The following SLC25A26 variants were observed in gnomAD, a reference collection of about 807,000 sequenced individuals.
SLC25A26 encodes the protein mitochondrial S-adenosylmethionine carrier protein.
SLC25A26 carries 36 observed loss-of-function variants against 37.8 expected under a neutral mutation model. The observed-to-expected ratio is 0.95, with a 90% CI of 0.73 to 1.26. The LOEUF is 1.26. Among genes scored for constraint, SLC25A26 ranks in the 50% most tolerant of loss-of-function variants. The pLI is 0.00. For missense variants in SLC25A26, 390 were observed against 331.1 expected (o/e 1.18, Z -1.38); for synonymous variants, 129 against 122.5 (o/e 1.05, Z -0.35).
chr3:66,273,498 A>C (rs534140309), intron 5 of SLC25A26, among the ~76,000 whole-genome samples: 1 of 152,242 alleles, frequency 6.6e-6, no homozygotes, highest in East Asian at 1.9e-4. Context: ...GTATATCTAG[A>C]AAACCCCATT....
chr3:66,321,762 T>C (rs1191167711), intron 5 of SLC25A26, among the ~76,000 whole-genome samples: 1 of 152,016 alleles, frequency 6.6e-6, no homozygotes, highest in African/African-American at 2.4e-5. Context: ...TTTTTTTTTT[T>C]TTTCTTATTT....
At chr3:66,282,732 C>T (rs901012160) in intron 5 of SLC25A26, among the ~76,000 whole-genome samples, 4 of 152,260 alleles carry the variant, frequency 2.6e-5, no homozygotes, top group Non-Finnish European at 4.4e-5. Context: ...AACTTCTTTC[C>T]GGTGTTCAGT....
chr3:66,180,386 C>T (rs184046588), intron 1 of SLC25A26, among the ~76,000 whole-genome samples: 2 of 152,166 alleles, frequency 1.3e-5, no homozygotes. Flanking sequence ...AATGCAGGGG[C>T]AGGGAACATG....
At chr3:66,180,385 G>T (rs1293323311) in intron 1 of SLC25A26, among the ~76,000 whole-genome samples, 1 of 152,172 alleles carries the variant, frequency 6.6e-6, no homozygotes, top group Non-Finnish European at 1.5e-5. Flanking sequence ...CAATGCAGGG[G>T]CAGGGAACAT....
chr3:66,143,748 G>A (rs561830237), intron 1 of SLC25A26, among the ~76,000 whole-genome samples: 1 of 152,114 alleles, frequency 6.6e-6, no homozygotes, highest in Non-Finnish European at 1.5e-5. Flanking sequence ...GCTGGGGGTG[G>A]TGGTACACAC....
At chr3:66,350,356 G>A (rs1266970393) in intron 6 of SLC25A26, among the ~76,000 whole-genome samples, 2 of 152,068 alleles carry the variant, frequency 1.3e-5, no homozygotes, top group Non-Finnish European at 2.9e-5. Flanking sequence ...TATTCTCCTG[G>A]CCACCTGGTC....
At chr3:66,309,646 T>C (rs748103162) in intron 5 of SLC25A26, among the ~76,000 whole-genome samples, 1 of 152,238 alleles carries the variant, frequency 6.6e-6, no homozygotes, top group Non-Finnish European at 1.5e-5. Context: ...GCATTAGTGC[T>C]GTAAATTTCC....
In SLC25A26 at chr3:66,377,494, A is replaced by G. The variant is rs189105260; in HGVS notation, c.708-196A>G. Among the ~76,000 whole-genome samples, 3 of 152,084 alleles carry G rather than the reference A, an allele frequency of 2.0e-5. No individual in the cohort carries two copies. In the East Asian group the frequency reaches 5.8e-4, roughly 29 times the overall value. On this transcript the variant is annotated intron_variant, in intron 9 of 9. Transcript: ENST00000354883. ...AAAAAAAATCAATTTCATGTTTCAA[A>G]GGGAAAAATGGCATGAAAGTTTTAG...
chr3:66,207,166 G>A (rs2071192191), intron 1 of SLC25A26, among the ~76,000 whole-genome samples: 1 of 152,022 alleles, frequency 6.6e-6, no homozygotes, highest in South Asian at 2.1e-4. Context: ...GCCTTGTTAG[G>A]AGACCCAAAT....
intron 3 of SLC25A26, among the ~76,000 whole-genome samples, chr3:66,257,421 G>A (rs1000186942): frequency 2.6e-5 from 4 of 152,052 alleles, no homozygotes; most frequent in Non-Finnish European, 5.9e-5. Flanking sequence ...GCAGAACTGG[G>A]GCCACAGTCT....
chr3:66,133,999 T>A (rs1258582462), intron 1 of SLC25A26: 1 of 152,194 alleles, frequency 6.6e-6, no homozygotes, highest in African/African-American at 2.4e-5. Context: ...TCAATTAGAT[T>A]TATTTCTAAT....
intron 5 of SLC25A26, among the ~76,000 whole-genome samples, chr3:66,306,459 G>A (rs944001808): frequency 6.6e-6 from 1 of 151,882 alleles, no homozygotes; most frequent in African/African-American, 2.4e-5. Context: ...TTTTAATAGG[G>A]TTGTTTTTCT....
At chr3:66,256,647 G>T (rs1335839762) in intron 3 of SLC25A26, among the ~76,000 whole-genome samples, 3 of 152,170 alleles carry the variant, frequency 2.0e-5, no homozygotes, top group Non-Finnish European at 4.4e-5. Flanking sequence ...TGTAATTCCA[G>T]TGCTTTGGGA....
At chr3:66,267,162 A>G (rs2073786012) in intron 5 of SLC25A26, among the ~76,000 whole-genome samples, 1 of 152,116 alleles carries the variant, frequency 6.6e-6, no homozygotes, top group South Asian at 2.1e-4. Flanking sequence ...TATATACAAG[A>G]TGCAGGTGGG....
intron 3 of SLC25A26, among the ~76,000 whole-genome samples, chr3:66,251,820 T>G (rs2073095556): frequency 6.6e-6 from 1 of 152,178 alleles, no homozygotes; most frequent in Non-Finnish European, 1.5e-5. Context: ...TGGATTTTCT[T>G]TTTCTAATAT....
intron 1 of SLC25A26, among the ~76,000 whole-genome samples, chr3:66,163,759 T>A (rs1222309743): frequency 6.6e-6 from 1 of 152,218 alleles, no homozygotes; most frequent in Non-Finnish European, 1.5e-5. Flanking sequence ...CAAAGTCTGA[T>A]TGAGCCCCAA....
rs996275970 is a variant in SLC25A26 at position 66,227,702 on chromosome 3, G to C, written c.33+6575G>C. On this transcript the variant is annotated intron_variant, in intron 1 of 9. Transcript: ENST00000354883. ...TCCTGTTTTTAGTGAGGTGATTTTT[G>C]GCTGGTGCTGTCATCTGGGGAGCTT... Among the ~76,000 whole-genome samples, 5 of 152,124 alleles carry C rather than the reference G, an allele frequency of 3.3e-5. No homozygotes were observed. In the East Asian group the frequency reaches 7.7e-4, roughly 24 times the overall value.
intron 3 of SLC25A26, among the ~76,000 whole-genome samples, chr3:66,248,054 C>T (rs1262906896): frequency 6.6e-6 from 1 of 152,122 alleles, no homozygotes. Flanking sequence ...TTATGTTAGA[C>T]AGATTGGTTA....
chr3:66,166,809 A>T (rs1467891125), intron 1 of SLC25A26, among the ~76,000 whole-genome samples: 1 of 152,094 alleles, frequency 6.6e-6, no homozygotes, highest in Non-Finnish European at 1.5e-5. Context: ...GTCAATGATG[A>T]TATAGTTTGG....
Sources: allele counts gnomAD v4.1 joint callset (sites outside exome capture counted in the v4.1 genomes callset), GRCh38; gene constraint gnomAD v4.1.1; transcripts MANE v1.5; gene names NCBI Gene and HGNC (gene_info 2026-07-23, HGNC 2026-07-21).